The following VPS13C variants were observed in gnomAD, a reference collection of about 807,000 sequenced individuals.
VPS13C encodes vacuolar protein sorting 13 homolog C, also known as intermembrane lipid transfer protein VPS13C.
In VPS13C, 358 loss-of-function variants were observed where a neutral mutation model predicts 456.8. The observed-to-expected ratio is 0.78, with a 90% CI of 0.72 to 0.86. The LOEUF is 0.86. Ranked by LOEUF, VPS13C falls within the 40% of genes least tolerant of loss-of-function variation. The pLI is 0.00. For synonymous variants in VPS13C, 1,578 were observed against 1,486.7 expected (o/e 1.06, Z -1.41); for missense variants, 4,818 against 4,385.4 (o/e 1.10, Z -2.79).
At chr15:61,899,965 A>C (rs1328162338) in intron 66 of VPS13C, among the ~76,000 whole-genome samples, 1 of 152,192 alleles carries the variant, frequency 6.6e-6, no homozygotes, top group East Asian at 1.9e-4. Flanking sequence ...AATATACACA[A>C]ATCAATAAAT....
intron 9 of VPS13C, among the ~76,000 whole-genome samples, chr15:62,016,683 T>C (rs2047263581): frequency 6.6e-6 from 1 of 152,144 alleles, no homozygotes; most frequent in South Asian, 2.1e-4. Context: ...GTTGGACACT[T>C]GGGTTGGTTC....
At position 61,877,035 on chromosome 15, in the gene VPS13C, G is replaced by A. The variant is rs1410605967; in HGVS notation, c.10162C>T (p.Arg3388Ter). Reference sequence around the variant, plus strand: ...TGATCTCTCTTGTAGAACTGATATCGAATTTCATAATAAGCAAGTCTGGGA... The same window carrying A: ...TGATCTCTCTTGTAGAACTGATATCAAATTTCATAATAAGCAAGTCTGGGA... ...LIFKLAYYEI[R>*]YQFYKRDQLI... The change falls in exon 75 of 85, where the codon CGA becomes TGA. Residue 3388 changes from arginine (R) to a stop codon, truncating the protein, a stop_gained. Transcript: ENST00000644861. LOFTEE classifies it high-confidence loss of function. The A allele has an allele frequency of 3.1e-6, 5 of 1,607,632 alleles. No individual in the cohort carries two copies. Among genetic ancestry groups the A allele is most frequent in the Non-Finnish European group, 4.2e-6 (5 of 1,176,592 alleles).
At chr15:62,008,068 C>T (rs982932368) in intron 14 of VPS13C, among the ~76,000 whole-genome samples, 1 of 152,026 alleles carries the variant, frequency 6.6e-6, no homozygotes, top group Non-Finnish European at 1.5e-5. Context: ...CCTGTCTCTA[C>T]TAAAAATACA....
intron 73 of VPS13C, 41 bp from the exon 74 acceptor site, chr15:61,878,787 GA>G: frequency 6.4e-7 from 1 of 1,557,976 alleles, no homozygotes; most frequent in South Asian, 1.2e-5. Context: ...AGCTAAAAGT[GA>G]AAAATTTACA....
At chr15:62,048,553 G>C (rs972920815) in intron 1 of VPS13C, among the ~76,000 whole-genome samples, 8 of 152,018 alleles carry the variant, frequency 5.3e-5, no homozygotes, top group African/African-American at 1.7e-4. Flanking sequence ...GAATAGTGCC[G>C]CAATAAACAT....
At chr15:61,990,979 T>G (rs1159704494) in intron 18 of VPS13C, 21 bp downstream of exon 18, 1 of 1,564,642 alleles carries the variant, frequency 6.4e-7, no homozygotes, top group African/African-American at 1.4e-5. Flanking sequence ...CAAAATTCCT[T>G]TAAACCACTT....
intron 46 of VPS13C, among the ~76,000 whole-genome samples, chr15:61,941,298 CTT>C (rs1462751364): frequency 2.0e-5 from 3 of 152,158 alleles, no homozygotes; most frequent in African/African-American, 4.8e-5. Context: ...AATAAACGCT[CTT>C]GTCACTCAAT....
chr15:61,966,994 A>C (rs1433210045), intron 29 of VPS13C, among the ~76,000 whole-genome samples: 11 of 151,860 alleles, frequency 7.2e-5, no homozygotes, highest in Non-Finnish European at 1.5e-4. Flanking sequence ...GGCCCTTCCT[A>C]TTCATGGCAT....
chr15:62,009,783 G>C (rs1015425451), intron 13 of VPS13C, among the ~76,000 whole-genome samples: 2 of 152,050 alleles, frequency 1.3e-5, no homozygotes, highest in East Asian at 3.9e-4. Context: ...CCATGCTTGG[G>C]AAACAAATAG....
chr15:61,898,276 C>A (rs971616534), intron 66 of VPS13C, among the ~76,000 whole-genome samples: 1 of 151,960 alleles, frequency 6.6e-6, no homozygotes, highest in African/African-American at 2.4e-5. Flanking sequence ...TGTAAATGGA[C>A]TAAATGTTCC....
At chr15:62,016,136 G>C (rs1184526197) in intron 9 of VPS13C, among the ~76,000 whole-genome samples, 2 of 150,908 alleles carry the variant, frequency 1.3e-5, no homozygotes, top group African/African-American at 4.9e-5. Flanking sequence ...TTCTTTTTCT[G>C]TTTCTCTGCC....
chr15:61,965,376 A>G (rs1167411163), intron 30 of VPS13C, among the ~76,000 whole-genome samples: 2 of 152,060 alleles, frequency 1.3e-5, no homozygotes, highest in East Asian at 3.9e-4. Flanking sequence ...AAAGAAACAC[A>G]ATATAGAACT....
At chr15:62,016,541 A>G (rs894506021) in intron 9 of VPS13C, among the ~76,000 whole-genome samples, 14 of 150,374 alleles carry the variant, frequency 9.3e-5, no homozygotes, top group Admixed American at 1.3e-4. Flanking sequence ...TTGTCCTTGC[A>G]ATAGTTTGCT....
chr15:61,957,975 C>T (rs2045064556), intron 37 of VPS13C, among the ~76,000 whole-genome samples: 1 of 151,650 alleles, frequency 6.6e-6, no homozygotes, highest in African/African-American at 2.4e-5. Flanking sequence ...CACACACATG[C>T]ATGTACACAT....
intron 61 of VPS13C, among the ~76,000 whole-genome samples, chr15:61,914,909 A>AAAAAAAC (rs2043419514): frequency 7.1e-6 from 1 of 140,654 alleles, no homozygotes; most frequent in East Asian, 2.2e-4. Flanking sequence ...AAAAAAAAAA[A>AAAAAAAC]CCTTTAGGTG....
chr15:61,875,631 C>G, intron 76 of VPS13C, 101 bp downstream of exon 76: 1 of 789,884 alleles, frequency 1.3e-6, no homozygotes. Context: ...GAACATTATT[C>G]AATTCCAAGA....
chr15:61,860,692 A>T (rs879213821), intron 82 of VPS13C, among the ~76,000 whole-genome samples: 49 of 152,260 alleles, frequency 3.2e-4, no homozygotes, highest in Admixed American at 3.9e-4. Flanking sequence ...TTACATGAAA[A>T]ATTGACAAGA....
chr15:61,895,872 G>C (rs904748418), intron 66 of VPS13C, among the ~76,000 whole-genome samples: 6 of 152,152 alleles, frequency 3.9e-5, no homozygotes, highest in African/African-American at 1.2e-4. Flanking sequence ...AAGATAGGAG[G>C]AATCAGTTCT....
chr15:61,947,247 AT>A lies in VPS13C; in HGVS notation c.4821del (p.Phe1608LeufsTer26). The A allele has an allele frequency of 6.2e-7, 1 of 1,608,672 alleles. No individual in the cohort carries two copies. The highest frequency in any genetic ancestry group is 1.3e-5 in the African/African-American group (1 of 74,768). On this transcript the variant is annotated frameshift_variant, in exon 43 of 85. Transcript: ENST00000644861. LOFTEE classifies it high-confidence loss of function. ...TTCTGATCACAGACAAAGACATTAAATGCATTTAATTCAGCTGTGATCTTTA... is the reference window on the plus strand; with the variant it reads ...TTCTGATCACAGACAAAGACATTAAAGCATTTAATTCAGCTGTGATCTTTA... ...FDLKITAELN[A>X]FNVFVCDQKC...
Sources: allele counts gnomAD v4.1 joint callset (sites outside exome capture counted in the v4.1 genomes callset), GRCh38; gene constraint gnomAD v4.1.1; transcripts MANE v1.5; gene names NCBI Gene and HGNC (gene_info 2026-07-23, HGNC 2026-07-21).